Variants in GNA14 observed in about 807,000 individuals in gnomAD.
The protein encoded by GNA14 is G protein subunit alpha 14, also known as guanine nucleotide-binding protein subunit alpha-14.
A neutral mutation model predicts 42.0 loss-of-function variants in GNA14; 50 were observed. The observed-to-expected ratio is 1.19, with a 90% CI of 0.95 to 1.51. GNA14 has a LOEUF of 1.51. Ranked by LOEUF, GNA14 falls within the 40% of genes most tolerant of loss-of-function variation. The pLI, the probability that GNA14 is intolerant of heterozygous loss-of-function variation, is 0.00. For synonymous variants in GNA14, 173 were observed against 163.1 expected (o/e 1.06, Z -0.46); for missense variants, 473 against 446.2 (o/e 1.06, Z -0.54).
intron 1 of GNA14, among the ~76,000 whole-genome samples, chr9:77,535,527 C>A (rs1228718740): frequency 6.6e-6 from 1 of 151,924 alleles, no homozygotes; most frequent in Non-Finnish European, 1.5e-5. Context: ...CCAGCCTGGG[C>A]GACATGCGAG....
chr9:77,635,210 T>G (rs996140894), intron 1 of GNA14: 2 of 152,178 alleles, frequency 1.3e-5, no homozygotes, highest in Non-Finnish European at 2.9e-5. Flanking sequence ...TCAAAAAATA[T>G]GGAATGCTTC....
At chr9:77,603,124 G>A (rs545687686) in intron 1 of GNA14, among the ~76,000 whole-genome samples, 8 of 152,228 alleles carry the variant, frequency 5.3e-5, no homozygotes, top group Non-Finnish European at 7.3e-5. Flanking sequence ...TCAAAATGAT[G>A]ACTGCTGCAT....
At chr9:77,438,584 A>G (rs947452852) in intron 2 of GNA14, among the ~76,000 whole-genome samples, 1 of 152,088 alleles carries the variant, frequency 6.6e-6, no homozygotes, top group African/African-American at 2.4e-5. Flanking sequence ...TTTTTTTAAA[A>G]AAAACCTTTT....
intron 4 of GNA14, among the ~76,000 whole-genome samples, chr9:77,429,541 T>C (rs988183796): frequency 6.8e-6 from 1 of 148,064 alleles, no homozygotes; most frequent in Admixed American, 6.9e-5. Flanking sequence ...ACAAGTGTCC[T>C]CTGTCCAGTA....
chr9:77,631,232 A>G (rs145440306), intron 1 of GNA14, among the ~76,000 whole-genome samples: 1 of 152,232 alleles, frequency 6.6e-6, no homozygotes, highest in East Asian at 1.9e-4. Context: ...GTCAGGTTAC[A>G]TCTTCCTCTA....
intron 1 of GNA14, among the ~76,000 whole-genome samples, chr9:77,556,793 T>G (rs1277239456): frequency 6.6e-6 from 1 of 152,162 alleles, no homozygotes; most frequent in African/African-American, 2.4e-5. Flanking sequence ...TAACCTAGCA[T>G]GGGGTTAGAG....
At chr9:77,567,848 C>G (rs556332660) in intron 1 of GNA14, among the ~76,000 whole-genome samples, 3 of 152,158 alleles carry the variant, frequency 2.0e-5, no homozygotes, top group East Asian at 1.9e-4. Context: ...GCCTGGGTGA[C>G]AGAGAGAGAC....
chr9:77,627,343 A>G (rs1001176877), intron 1 of GNA14, among the ~76,000 whole-genome samples: 2 of 152,208 alleles, frequency 1.3e-5, no homozygotes, highest in Admixed American at 1.3e-4. Context: ...AAACTATTCC[A>G]AACAACAGAA....
chr9:77,623,983 C>A (rs13284357), intron 1 of GNA14, among the ~76,000 whole-genome samples: 30,533 of 152,122 alleles, frequency 0.2, 3,173 homozygotes, highest in South Asian at 0.26. Context: ...CAGAGGATCC[C>A]ACCCTCATGG....
At chr9:77,560,675 A>G (rs1219268233) in intron 1 of GNA14, among the ~76,000 whole-genome samples, 6 of 152,200 alleles carry the variant, frequency 3.9e-5, no homozygotes. Flanking sequence ...ATTCAAGGTA[A>G]TATCACCTTA....
intron 1 of GNA14, among the ~76,000 whole-genome samples, chr9:77,641,919 T>A (rs1033982615): frequency 6.6e-6 from 1 of 152,240 alleles, no homozygotes; most frequent in African/African-American, 2.4e-5. Context: ...TACATTTAAC[T>A]TACCCTCAAA....
chr9:77,600,565 C>G (rs1468401750), intron 1 of GNA14, among the ~76,000 whole-genome samples: 1 of 152,154 alleles, frequency 6.6e-6, no homozygotes, highest in Non-Finnish European at 1.5e-5. Flanking sequence ...CATACTCGGT[C>G]AGTTTCCTTT....
chr9:77,568,120 G>C (rs1270626436), intron 1 of GNA14, among the ~76,000 whole-genome samples: 1 of 152,086 alleles, frequency 6.6e-6, no homozygotes, highest in Non-Finnish European at 1.5e-5. Flanking sequence ...CCCAGAGCAG[G>C]TCCTGGCTCA....
At chr9:77,627,472 A>T (rs1443741412) in intron 1 of GNA14, among the ~76,000 whole-genome samples, 2 of 152,218 alleles carry the variant, frequency 1.3e-5, no homozygotes, top group Non-Finnish European at 2.9e-5. Context: ...GCACCTGATG[A>T]ACATCAATGC....
chr9:77,477,031 C>A (rs1836439541), intron 2 of GNA14, among the ~76,000 whole-genome samples: 1 of 152,112 alleles, frequency 6.6e-6, no homozygotes, highest in Non-Finnish European at 1.5e-5. Context: ...ATACAGGCAC[C>A]AAGTATAGTT....
In GNA14 at chr9:77,442,831, A is replaced by G. The variant is rs577278731; in HGVS notation, c.310-8309T>C. On this transcript the variant is annotated intron_variant, in intron 2 of 6. Transcript: ENST00000341700. ...ATAATCAAGCATAAGAAGATGGGAC[A>G]ACTGCAAAGACAGATGACAAATAAA... is the stretch of plus-strand genomic sequence containing the variant. Among the ~76,000 whole-genome samples, 3 of 152,350 alleles carry G rather than the reference A, an allele frequency of 2.0e-5. No homozygotes were observed. In the South Asian group the frequency reaches 6.2e-4, roughly 32 times the overall value.
chr9:77,529,044 G>T (rs1160933755), intron 2 of GNA14, 25 bp downstream of exon 2: 1 of 1,604,392 alleles, frequency 6.2e-7, no homozygotes, highest in South Asian at 1.1e-5. Context: ...TCACAAATAG[G>T]GCAAGCACTC....
chr9:77,485,446 G>A (rs1346668040), intron 2 of GNA14, among the ~76,000 whole-genome samples: 1 of 152,038 alleles, frequency 6.6e-6, no homozygotes, highest in Non-Finnish European at 1.5e-5. Flanking sequence ...TCATCCATGA[G>A]AGTTGGAATC....
intron 5 of GNA14, among the ~76,000 whole-genome samples, chr9:77,426,968 G>A (rs10747015): frequency 0.59 from 89,207 of 151,912 alleles, 26,379 homozygotes; most frequent in East Asian, 0.68. Context: ...CACTCAGTAC[G>A]CATTGGGGGA....
Sources: gnomAD v4.1 joint callset for allele counts (sites outside exome capture counted in the v4.1 genomes callset) on GRCh38, gnomAD v4.1.1 for gene constraint, MANE v1.5 for transcripts, NCBI Gene and HGNC (gene_info 2026-07-23, HGNC 2026-07-21) for gene names.